TRIM5: variants seen among roughly 807,000 people sequenced by gnomAD.
TRIM5 encodes the protein tripartite motif-containing protein 5.
Under a neutral mutation model 35.6 loss-of-function variants are expected in TRIM5, and 31 were observed. The observed-to-expected ratio is 0.87, with a 90% CI of 0.65 to 1.18. TRIM5 has a LOEUF of 1.18. Among genes scored for constraint, TRIM5 ranks in the 50% most tolerant of loss-of-function variants. TRIM5 has a pLI of 0.00. For synonymous variants in TRIM5, 243 were observed against 215.6 expected, an observed-to-expected ratio of 1.13 and a Z score of -1.11; for missense variants, 609 against 591.6, an observed-to-expected ratio of 1.03 and a Z score of -0.31.
chr11:5,662,457 G>C (rs1207298143), downstream of TRIM5, among the ~76,000 whole-genome samples: 1 of 152,184 alleles, frequency 6.6e-6, no homozygotes, highest in African/African-American at 2.4e-5. Flanking sequence ...TTAATGAAGA[G>C]TCAGGCTAAC....
At chr11:5,619,458 ACT>A in the TRIM5 span, among the ~76,000 whole-genome samples, 1 of 147,916 alleles carries the variant, frequency 6.8e-6, no homozygotes, top group Non-Finnish European at 1.5e-5. Context: ...TGGTTCTTTT[ACT>A]CTCTCTCTGC....
the TRIM5 span, chr11:5,643,791 T>A: frequency 6.7e-7 from 1 of 1,495,482 alleles, no homozygotes; most frequent in Non-Finnish European, 8.9e-7. Flanking sequence ...ACACCATTGC[T>A]TCCTTGTGGT....
Position 5,665,672 on chromosome 11 carries a change from A to G in TRIM5, c.879T>C (p.Asp293=). 3 of 1,526,166 alleles carry G rather than the reference A, an allele frequency of 2.0e-6. No homozygotes were observed. The highest frequency in any genetic ancestry group is 2.6e-6 in the Non-Finnish European group (3 of 1,145,918). 94.5% of individuals were successfully genotyped at this position (1,526,166 alleles called of 1,614,324 possible). A position where few individuals can be genotyped will look rare whatever the true frequency, so the allele number is the denominator to read the frequency against. ...TCTCCTTACCCCAGTAGCGTCGGAC[A>G]TCTGTCAGCTCTGAAATGATAAAAA... ...GMLEVFRELT[D]VRRYWVDVTV... The change falls in exon 7 of 8, where the codon GAT becomes GAC. Residue 293 remains aspartate, a synonymous_variant. Transcript: ENST00000380034.
chr11:5,631,364 A>G, the TRIM5 span, among the ~76,000 whole-genome samples: 1 of 152,200 alleles, frequency 6.6e-6, no homozygotes, highest in Non-Finnish European at 1.5e-5. Flanking sequence ...GACCTCTGAA[A>G]GAGAACTCTG....
At chr11:5,662,811 G>A (rs1418825900), downstream of TRIM5, among the ~76,000 whole-genome samples, 3 of 152,148 alleles carry the variant, frequency 2.0e-5, no homozygotes, top group East Asian at 5.8e-4. Flanking sequence ...TTCAGTCACA[G>A]TGAGAGGGAA....
chr11:5,674,162 A>T (rs1348285569), intron 4 of TRIM5, among the ~76,000 whole-genome samples: 3 of 152,178 alleles, frequency 2.0e-5, no homozygotes, highest in African/African-American at 7.2e-5. Context: ...GAGAAAACAA[A>T]TCACCAAAAT....
the TRIM5 span, chr11:5,603,510 G>T: frequency 6.2e-7 from 1 of 1,614,088 alleles, no homozygotes; most frequent in Non-Finnish European, 8.5e-7. Flanking sequence ...ACCAGCCAGG[G>T]AACCTGCGGC....
the TRIM5 span, among the ~76,000 whole-genome samples, chr11:5,598,462 TAGAA>T: frequency 6.6e-6 from 1 of 152,140 alleles, no homozygotes; most frequent in African/African-American, 2.4e-5. Flanking sequence ...GAACTAGAAA[TAGAA>T]TGAAGCCACA....
intron 4 of TRIM5, chr11:5,677,949 C>T: frequency 6.0e-6 from 2 of 334,694 alleles, no homozygotes; most frequent in Non-Finnish European, 1.1e-5. Context: ...AGAATAGGAA[C>T]CTATCAAACA....
intron 2 of TRIM5, 68 bp from the exon 3 acceptor site, chr11:5,679,237 T>C: frequency 2.2e-6 from 3 of 1,366,192 alleles, no homozygotes; most frequent in Middle Eastern, 1.8e-4. Context: ...AGTATAAACA[T>C]GAAATAAATC....
the TRIM5 span, chr11:5,634,526 CACACAT>C: frequency 3.0e-3 from 1,935 of 651,460 alleles, 4 homozygotes; most frequent in African/African-American, 3.8e-3. Flanking sequence ...CACACACACA[CACACAT>C]ATATATATAT....
chr11:5,633,753 A>G, the TRIM5 span: 2 of 1,564,802 alleles, frequency 1.3e-6, no homozygotes, highest in East Asian at 2.3e-5. Flanking sequence ...TCCTCTATCC[A>G]GATACTAAGA....
At chr11:5,683,773 A>G (rs1465041066) in intron 1 of TRIM5, among the ~76,000 whole-genome samples, 1 of 152,146 alleles carries the variant, frequency 6.6e-6, no homozygotes, top group Non-Finnish European at 1.5e-5. Flanking sequence ...GCCCTGTCAA[A>G]ACAGACCACT....
At position 5,667,719 on chromosome 11, in the gene TRIM5, G is replaced by A. The variant is rs1564909186; in HGVS notation, c.745-8C>T. The A allele has an allele frequency of 1.2e-6, 2 of 1,613,120 alleles. No individual in the cohort carries two copies. Among genetic ancestry groups the A allele is most frequent in the Middle Eastern group, 1.7e-4 (1 of 6,058 alleles). On this transcript the variant is annotated splice_region_variant and splice_polypyrimidine_tract_variant and intron_variant, in intron 4 of 7. Coordinates refer to ENST00000380034, the MANE Select transcript of TRIM5 (RefSeq NM_033034.3). ...TATGACGCCATCCACACCCTAGGAA[G>A]AAGAGAGAAAACATCAATTAAGAAA... is the stretch of plus-strand genomic sequence containing the variant.
At chr11:5,674,833 A>G (rs1851823734) in intron 4 of TRIM5, among the ~76,000 whole-genome samples, 1 of 152,240 alleles carries the variant, frequency 6.6e-6, no homozygotes, top group African/African-American at 2.4e-5. Flanking sequence ...ATGTAGATGT[A>G]AAAAATAGTT....
At chr11:5,640,874 T>C in the TRIM5 span, among the ~76,000 whole-genome samples, 1 of 152,216 alleles carries the variant, frequency 6.6e-6, no homozygotes, top group African/African-American at 2.4e-5. Flanking sequence ...TGTGTATTGA[T>C]AGTTTCTGTA....
At chr11:5,604,293 C>G in the TRIM5 span, among the ~76,000 whole-genome samples, 1 of 152,136 alleles carries the variant, frequency 6.6e-6, no homozygotes, top group South Asian at 2.1e-4. Context: ...GGATTACAGG[C>G]GTGAGCCACA....
At chr11:5,650,306 A>G in the TRIM5 span, among the ~76,000 whole-genome samples, 1 of 152,180 alleles carries the variant, frequency 6.6e-6, no homozygotes, top group Non-Finnish European at 1.5e-5. Context: ...TATATAACAT[A>G]CGTCTGGCTA....
intron 1 of TRIM5, among the ~76,000 whole-genome samples, chr11:5,681,113 G>C (rs2880574): frequency 0.39 from 59,219 of 151,802 alleles, 11,867 homozygotes; most frequent in Non-Finnish European, 0.45. Flanking sequence ...GGTGATGATA[G>C]AGAAATACTC....
Sources: gnomAD v4.1 joint callset for allele counts (sites outside exome capture counted in the v4.1 genomes callset) on GRCh38, gnomAD v4.1.1 for gene constraint, MANE v1.5 for transcripts, NCBI Gene and HGNC (gene_info 2026-07-23, HGNC 2026-07-21) for gene names.